Variants in TENM3 observed in about 807,000 individuals in gnomAD.
The protein encoded by TENM3 is teneurin-3.
In TENM3, 63 loss-of-function variants were observed where a neutral mutation model predicts 255.1. The ratio of observed to expected loss-of-function variants is 0.25; its 90% CI spans 0.20 to 0.30. TENM3 has a LOEUF of 0.30. Among genes scored for constraint, TENM3 ranks in the 10% least tolerant of loss-of-function variants. TENM3 has a pLI of 1.00. For synonymous variants in TENM3, 1,306 were observed against 1,322.3 expected (o/e 0.99, Z 0.27); for missense variants, 2,929 against 3,461.1 (o/e 0.85, Z 3.86).
At chr4:181,784,803 C>T in the TENM3 span, among the ~76,000 whole-genome samples, 3 of 152,098 alleles carry the variant, frequency 2.0e-5, no homozygotes, top group African/African-American at 4.8e-5. Context: ...ATTGCCCCCT[C>T]ACCATTTTTA....
chr4:181,518,950 G>A, the TENM3 span, among the ~76,000 whole-genome samples: 2 of 152,126 alleles, frequency 1.3e-5, no homozygotes, highest in Admixed American at 6.6e-5. Context: ...GTTTAAATAC[G>A]TTGAATACTC....
At chr4:182,737,189 G>T in intron 17 of TENM3, 114 bp downstream of exon 17, 2 of 1,131,630 alleles carry the variant, frequency 1.8e-6, no homozygotes, top group Non-Finnish European at 2.5e-6. Flanking sequence ...AGAGAATAAG[G>T]TTGTCCTAGG....
intron 3 of TENM3, among the ~76,000 whole-genome samples, chr4:182,450,374 T>TG (rs1773351913): frequency 6.6e-6 from 1 of 152,140 alleles, no homozygotes; most frequent in African/African-American, 2.4e-5. Flanking sequence ...CAGCATGTAC[T>TG]GGTCTGTGCC....
the TENM3 span, among the ~76,000 whole-genome samples, chr4:181,843,605 A>T: frequency 1.3e-5 from 2 of 152,126 alleles, no homozygotes; most frequent in South Asian, 4.1e-4. Flanking sequence ...TTCTGCTGCT[A>T]TCATAGAACA....
the TENM3 span, among the ~76,000 whole-genome samples, chr4:181,801,412 T>G: frequency 6.6e-6 from 1 of 152,248 alleles, no homozygotes; most frequent in South Asian, 2.1e-4. Context: ...CCCTGGCTAC[T>G]GTTTTCAAGC....
At chr4:182,085,483 T>C in the TENM3 span, among the ~76,000 whole-genome samples, 2 of 152,316 alleles carry the variant, frequency 1.3e-5, no homozygotes, top group South Asian at 2.1e-4. Flanking sequence ...AAACATTTTA[T>C]AATATATAAC....
At chr4:182,361,526 T>C (rs1765979430) in intron 3 of TENM3, among the ~76,000 whole-genome samples, 1 of 152,204 alleles carries the variant, frequency 6.6e-6, no homozygotes, top group South Asian at 2.1e-4. Context: ...TCCTGAGGCT[T>C]CTGCATTCTT....
the TENM3 span, among the ~76,000 whole-genome samples, chr4:181,919,452 G>A: frequency 6.6e-6 from 1 of 151,428 alleles, no homozygotes; most frequent in East Asian, 1.9e-4. Context: ...GTTTTCGTTT[G>A]ACCCTGAATT....
intron 3 of TENM3, among the ~76,000 whole-genome samples, chr4:182,531,462 C>T (rs1330936253): frequency 6.6e-6 from 1 of 152,072 alleles, no homozygotes; most frequent in Non-Finnish European, 1.5e-5. Flanking sequence ...TCACAATGAC[C>T]ATAAAGTAAA....
chr4:182,413,640 A>G (rs1324511081), intron 3 of TENM3, among the ~76,000 whole-genome samples: 1 of 152,100 alleles, frequency 6.6e-6, no homozygotes, highest in Non-Finnish European at 1.5e-5. Flanking sequence ...CATTATCTAC[A>G]AAAGAACAAC....
At chr4:181,842,729 C>G in the TENM3 span, among the ~76,000 whole-genome samples, 1 of 152,128 alleles carries the variant, frequency 6.6e-6, no homozygotes, top group Non-Finnish European at 1.5e-5. Flanking sequence ...AAGTATGCTT[C>G]AAATTATCAT....
At chr4:181,905,996 C>A in the TENM3 span, 1 of 490,566 alleles carries the variant, frequency 2.0e-6, no homozygotes. Flanking sequence ...CTCAATTTCT[C>A]ATGCTTTTCA....
intron 3 of TENM3, among the ~76,000 whole-genome samples, chr4:182,462,532 T>A (rs903453757): frequency 6.6e-6 from 1 of 151,772 alleles, no homozygotes; most frequent in African/African-American, 2.4e-5. Context: ...AGAAGCTGGT[T>A]GACTGATTGC....
chr4:182,149,019 A>G (rs1313026299), intron 1 of TENM3, among the ~76,000 whole-genome samples: 1 of 151,988 alleles, frequency 6.6e-6, no homozygotes, highest in East Asian at 1.9e-4. Flanking sequence ...TCCGTAGTAT[A>G]TATGATTTCT....
In TENM3 at chr4:182,346,604, A is replaced by G. The variant is rs145959778; in HGVS notation, c.233-47A>G. The G allele has an allele frequency of 3.3e-4, 483 of 1,481,398 alleles. No homozygotes were observed. The African/African-American group carries it at 5.5e-3, about 17-fold the overall frequency. The allele number at this position is 1,481,398 out of a possible 1,614,324, so 91.8% of individuals were successfully genotyped here. A position where few individuals can be genotyped will look rare whatever the true frequency, so the allele number is the denominator to read the frequency against. On this transcript the variant is annotated intron_variant, in intron 2 of 27. Transcript: ENST00000511685. ...AAAAAAAAAAAGAAAAGAAACTAAC[A>G]CTGAACATATACTCACTAGTTGTTA...
chr4:182,540,415 C>A (rs1740750700), intron 3 of TENM3, among the ~76,000 whole-genome samples: 1 of 152,064 alleles, frequency 6.6e-6, no homozygotes, highest in Non-Finnish European at 1.5e-5. Flanking sequence ...CATGGAGAAA[C>A]CCCGTCTCTA....
chr4:181,508,216 A>G, the TENM3 span, among the ~76,000 whole-genome samples: 1 of 152,168 alleles, frequency 6.6e-6, no homozygotes, highest in Non-Finnish European at 1.5e-5. Flanking sequence ...AAGTGCCCAG[A>G]GCAGCTGCCA....
At chr4:182,133,536 G>A in the TENM3 span, among the ~76,000 whole-genome samples, 1,882 of 152,038 alleles carry the variant, frequency 0.012, 31 homozygotes, top group African/African-American at 0.043. Context: ...TTTTAGAATC[G>A]TATATAAAAT....
At chr4:182,187,607 C>T (rs935082304) in intron 1 of TENM3, among the ~76,000 whole-genome samples, 1 of 151,756 alleles carries the variant, frequency 6.6e-6, no homozygotes, top group Non-Finnish European at 1.5e-5. Flanking sequence ...GAAGGCAGTG[C>T]CATGATACCA....
Sources: gnomAD v4.1 joint callset for allele counts (sites outside exome capture counted in the v4.1 genomes callset) on GRCh38, gnomAD v4.1.1 for gene constraint, MANE v1.5 for transcripts, NCBI Gene and HGNC (gene_info 2026-07-23, HGNC 2026-07-21) for gene names.